ATP11C: variants seen among roughly 807,000 people sequenced by gnomAD.
ATP11C encodes the protein phospholipid-transporting ATPase IG.
In ATP11C, 36 loss-of-function variants were observed where a neutral mutation model predicts 97.4. The observed-to-expected ratio is 0.37, with a 90% CI of 0.28 to 0.49. The LOEUF (loss-of-function observed/expected upper bound fraction) is 0.49. ATP11C is among the 20% of genes least tolerant of loss of function. The pLI, the probability that ATP11C is intolerant of heterozygous loss-of-function variation, is 0.98. For missense variants in ATP11C, 730 were observed against 824.6 expected (o/e 0.89, Z 1.40); for synonymous variants, 275 against 290.9 (o/e 0.95, Z 0.56).
At chrX:139,789,126 C>T in intron 13 of ATP11C, among the ~76,000 whole-genome samples, 1 of 109,394 alleles carries the variant, frequency 9.1e-6, no homozygotes, top group East Asian at 2.9e-4. Context: ...TCGCTTGAAC[C>T]TGGGAAGCGG....
Position 139,921,375 on chromosome X carries a change from C to G in ATP11C, c.27+10641G>C, listed in dbSNP as rs146495278. Among the ~76,000 whole-genome samples the G allele has an allele frequency of 5.3e-3, 585 of 111,292 alleles. 5 individuals are homozygous for G. The highest frequency in any genetic ancestry group is 8.5e-3 in the Non-Finnish European group (450 of 53,023). ...ACGGTTTCATAAGGGCCTCTTCCCC[C>G]CTTCACTCGGCACTTCTCCTTCCTG... On this transcript the variant is annotated intron_variant, in intron 1 of 29. Transcript: ENST00000682941.
At chrX:139,742,273 A>G (rs2081572451) in intron 26 of ATP11C, among the ~76,000 whole-genome samples, 1 of 111,787 alleles carries the variant, frequency 8.9e-6, no homozygotes, top group Non-Finnish European at 1.9e-5. Context: ...TGAGTCCTCA[A>G]AAAGGGTAGG....
Position 139,798,255 on chromosome X carries a change from A to T in ATP11C, c.857+18T>A. The T allele has an allele frequency of 8.5e-7, 1 of 1,171,774 alleles. No homozygotes were observed. Among genetic ancestry groups the T allele is most frequent in the Non-Finnish European group, 1.2e-6 (1 of 866,211 alleles). On this transcript the variant is annotated intron_variant, in intron 10 of 29. Coordinates refer to ENST00000682941, the MANE Select transcript of ATP11C (RefSeq NM_001353812.2). The stretch of plus-strand genomic sequence containing the variant: ...ATTTTAATCAATAATGACTAAATAA[A>T]TTGTGGCGCATACTAACTTTTCAAC...
rs766542833 is a variant in ATP11C at position 139,754,727 on chromosome X, A to T, written c.2700+3081T>A. Among the ~76,000 whole-genome samples the T allele has an allele frequency of 1.5e-3, 169 of 112,673 alleles. 1 individual carries two copies. Among genetic ancestry groups the T allele is most frequent in the Non-Finnish European group, 2.5e-3 (131 of 53,299 alleles). ...AATCAATAAATGTGATTTATCACAT[A>T]AACAGAACTAAAAACAAAAACCACA... On this transcript the variant is annotated intron_variant, in intron 23 of 29. Transcript: ENST00000682941.
chrX:139,837,190 C>T (rs2083762051), intron 1 of ATP11C, among the ~76,000 whole-genome samples: 1 of 112,026 alleles, frequency 8.9e-6, no homozygotes, highest in African/African-American at 3.2e-5. Flanking sequence ...ATAAGACAAA[C>T]AGTAGTTAGA....
chrX:139,852,495 C>T (rs1465773027), intron 1 of ATP11C, among the ~76,000 whole-genome samples: 1 of 71,250 alleles, frequency 1.4e-5, no homozygotes, highest in Admixed American at 2.2e-4. Flanking sequence ...TGGCCAGCGA[C>T]CTAGCTTAAA....
At chrX:139,765,162 T>C (rs1439817629) in intron 20 of ATP11C, among the ~76,000 whole-genome samples, 5 of 111,253 alleles carry the variant, frequency 4.5e-5, no homozygotes, top group Non-Finnish European at 9.4e-5. Flanking sequence ...TTCGTAAACA[T>C]GGACTTTTTC....
intron 1 of ATP11C, among the ~76,000 whole-genome samples, chrX:139,842,177 A>G (rs1342381778): frequency 2.7e-5 from 3 of 112,081 alleles, no homozygotes; most frequent in Non-Finnish European, 5.6e-5. Context: ...GACTACAGGC[A>G]CCCGCCACCA....
At chrX:139,892,582 G>A in intron 1 of ATP11C, among the ~76,000 whole-genome samples, 1 of 111,752 alleles carries the variant, frequency 8.9e-6, no homozygotes, top group Admixed American at 9.6e-5. Flanking sequence ...GAATTGGGGT[G>A]CCAACCATTG....
intron 22 of ATP11C, among the ~76,000 whole-genome samples, chrX:139,758,209 G>C (rs1169260037): frequency 8.9e-6 from 1 of 112,206 alleles, no homozygotes; most frequent in Non-Finnish European, 1.9e-5. Flanking sequence ...ATAGTAGACT[G>C]ACAATGCTGT....
intron 23 of ATP11C, among the ~76,000 whole-genome samples, chrX:139,751,236 C>G (rs1229525883): frequency 1.8e-5 from 2 of 111,706 alleles, no homozygotes; most frequent in Non-Finnish European, 3.8e-5. Context: ...CCCCTATCCA[C>G]CAGGGAGTTC....
At chrX:139,897,537 G>A (rs2084829928) in intron 1 of ATP11C, among the ~76,000 whole-genome samples, 1 of 109,004 alleles carries the variant, frequency 9.2e-6, no homozygotes. Flanking sequence ...TGGGTATGGT[G>A]GCACACACCT....
chrX:139,887,691 T>TG (rs942241218), intron 1 of ATP11C, among the ~76,000 whole-genome samples: 11 of 109,274 alleles, frequency 1.0e-4, no homozygotes, highest in Non-Finnish European at 1.7e-4. Context: ...GCTCTTGGGC[T>TG]GGGGGTGGTG....
intron 18 of ATP11C, among the ~76,000 whole-genome samples, chrX:139,780,557 C>A (rs1237197919): frequency 9.2e-6 from 1 of 109,105 alleles, no homozygotes; most frequent in East Asian, 2.9e-4. Flanking sequence ...AGAAACATAC[C>A]TCAAAATAAT....
chrX:139,924,206 T>C (rs2085315417), intron 1 of ATP11C: 2 of 383,979 alleles, frequency 5.2e-6, no homozygotes, highest in Admixed American at 5.1e-5. Flanking sequence ...ACATCAATAC[T>C]TCCTGGCTCC....
intron 25 of ATP11C, 117 bp from the exon 26 acceptor site, chrX:139,743,741 T>C (rs922302505): frequency 2.0e-4 from 84 of 423,972 alleles, no homozygotes; most frequent in Non-Finnish European, 2.9e-4. Flanking sequence ...TATTTTTGTA[T>C]GAATTGTTTA....
chrX:139,923,994 C>G (rs1482199758), intron 1 of ATP11C, among the ~76,000 whole-genome samples: 1 of 111,046 alleles, frequency 9.0e-6, no homozygotes, highest in East Asian at 2.8e-4. Flanking sequence ...TGACAAAATA[C>G]TGCAGTATTC....
At chrX:139,802,170 C>T (rs2082940059) in intron 7 of ATP11C, 66 bp downstream of exon 7, 10 of 821,062 alleles carry the variant, frequency 1.2e-5, no homozygotes, top group Non-Finnish European at 1.8e-5. Flanking sequence ...GTTTCTTTTG[C>T]AATACTATTA....
chrX:139,920,669 T>C (rs755057218), intron 1 of ATP11C, among the ~76,000 whole-genome samples: 2 of 112,040 alleles, frequency 1.8e-5, no homozygotes, highest in South Asian at 3.7e-4. Context: ...GTGAATTTTA[T>C]GTTAGGTGAA....
Sources: allele counts gnomAD v4.1 joint callset (sites outside exome capture counted in the v4.1 genomes callset), GRCh38; gene constraint gnomAD v4.1.1; transcripts MANE v1.5; gene names NCBI Gene and HGNC (gene_info 2026-07-23, HGNC 2026-07-21).